The following SLC25A21 variants were observed in gnomAD, a reference collection of about 807,000 sequenced individuals.
The protein encoded by SLC25A21 is mitochondrial 2-oxodicarboxylate carrier.
SLC25A21 carries 47 observed loss-of-function variants against 43.8 expected under a neutral mutation model. That is an observed-to-expected ratio of 1.07 (90% CI 0.85 to 1.37). The LOEUF (loss-of-function observed/expected upper bound fraction) is 1.37, where lower values mean the gene tolerates loss of function less well. SLC25A21 is among the 40% of genes most tolerant of loss of function. SLC25A21 has a pLI of 0.00. For missense variants in SLC25A21, 352 were observed against 350.2 expected, an observed-to-expected ratio of 1.00 and a Z score of -0.04; for synonymous variants, 131 against 121.3, an observed-to-expected ratio of 1.08 and a Z score of -0.52.
chr14:37,040,381 A>G (rs866800694), intron 1 of SLC25A21, among the ~76,000 whole-genome samples: 1 of 56,154 alleles, frequency 1.8e-5, no homozygotes, highest in Admixed American at 1.5e-4. Context: ...GAGAGAAAGA[A>G]AGAAAGAAAG....
At chr14:36,905,971 C>T (rs901973528) in intron 1 of SLC25A21, among the ~76,000 whole-genome samples, 1 of 151,996 alleles carries the variant, frequency 6.6e-6, no homozygotes, top group Admixed American at 6.6e-5. Context: ...GTGAAGTGAC[C>T]GGCGATATGC....
chr14:36,925,684 T>TAAAATACAAAATAC (rs1314247840), intron 1 of SLC25A21, among the ~76,000 whole-genome samples: 3 of 151,980 alleles, frequency 2.0e-5, no homozygotes, highest in Non-Finnish European at 4.4e-5. Flanking sequence ...TCGTACCTAC[T>TAAAATACAAAATAC]AAAAATACAA....
intron 1 of SLC25A21, among the ~76,000 whole-genome samples, chr14:37,008,796 A>G (rs1394858510): frequency 1.3e-5 from 2 of 152,172 alleles, no homozygotes; most frequent in Non-Finnish European, 1.5e-5. Context: ...CAATGATCTT[A>G]TAGTGAAGTT....
chr14:37,008,524 C>G (rs1206749498), intron 1 of SLC25A21, among the ~76,000 whole-genome samples: 1 of 152,142 alleles, frequency 6.6e-6, no homozygotes, highest in Non-Finnish European at 1.5e-5. Context: ...GGTACCTCCT[C>G]TATAATAAAT....
chr14:36,944,691 T>G (rs1047521695), intron 1 of SLC25A21, among the ~76,000 whole-genome samples: 3 of 152,212 alleles, frequency 2.0e-5, no homozygotes, highest in African/African-American at 7.2e-5. Flanking sequence ...AGAATTCATA[T>G]GTGCCTCCTT....
chr14:36,939,256 C>A (rs138337346), intron 1 of SLC25A21, among the ~76,000 whole-genome samples: 1 of 151,170 alleles, frequency 6.6e-6, no homozygotes, highest in Admixed American at 6.6e-5. Flanking sequence ...TAAAAAAAGT[C>A]GGGTTGGGGG....
At chr14:36,816,058 A>G (rs1234291646) in intron 2 of SLC25A21, among the ~76,000 whole-genome samples, 1 of 152,238 alleles carries the variant, frequency 6.6e-6, no homozygotes, top group Non-Finnish European at 1.5e-5. Flanking sequence ...ATCAGACAGA[A>G]GAATGAGTGT....
chr14:36,974,894 T>C (rs1181756759), intron 1 of SLC25A21, among the ~76,000 whole-genome samples: 1 of 152,156 alleles, frequency 6.6e-6, no homozygotes, highest in East Asian at 1.9e-4. Flanking sequence ...ATGGTAACAG[T>C]GCCTGACATT....
intron 3 of SLC25A21, among the ~76,000 whole-genome samples, chr14:36,747,766 C>G (rs1885554277): frequency 6.6e-6 from 1 of 152,070 alleles, no homozygotes; most frequent in Non-Finnish European, 1.5e-5. Flanking sequence ...TGGAGGTGCC[C>G]CCTAGTGGTA....
At chr14:37,118,265 C>A (rs1963142206) in intron 1 of SLC25A21, among the ~76,000 whole-genome samples, 1 of 152,094 alleles carries the variant, frequency 6.6e-6, no homozygotes, top group African/African-American at 2.4e-5. Flanking sequence ...ACTGATGGCT[C>A]CACCCAGATC....
chr14:36,887,497 A>G (rs953350941), intron 1 of SLC25A21, among the ~76,000 whole-genome samples: 11 of 150,530 alleles, frequency 7.3e-5, no homozygotes, highest in Non-Finnish European at 1.2e-4. Flanking sequence ...TGGGAGGCGG[A>G]TGTTGCAGTG....
chr14:36,777,751 CTG>C (rs1210786841), intron 3 of SLC25A21, among the ~76,000 whole-genome samples: 1 of 152,168 alleles, frequency 6.6e-6, no homozygotes, highest in African/African-American at 2.4e-5. Flanking sequence ...GTTCCCAGAA[CTG>C]TGAGAGAATG....
At chr14:36,740,027 TAG>T (rs1885190880) in intron 3 of SLC25A21, among the ~76,000 whole-genome samples, 1 of 152,196 alleles carries the variant, frequency 6.6e-6, no homozygotes, top group Non-Finnish European at 1.5e-5. Context: ...TCTTCTTTGC[TAG>T]GTGTTTCCTA....
At chr14:37,142,180 T>A (rs1427090783) in intron 1 of SLC25A21, among the ~76,000 whole-genome samples, 2 of 152,298 alleles carry the variant, frequency 1.3e-5, no homozygotes, top group Non-Finnish European at 2.9e-5. Context: ...AACAACCTTA[T>A]GGAGAAAGAT....
At chr14:37,161,022 G>A (rs1415581758) in intron 1 of SLC25A21, among the ~76,000 whole-genome samples, 1 of 148,850 alleles carries the variant, frequency 6.7e-6, no homozygotes, top group Non-Finnish European at 1.5e-5. Flanking sequence ...CGGGGGGGAG[G>A]AGAAGAAATA....
chr14:36,776,428 C>T (rs866846593), intron 3 of SLC25A21, among the ~76,000 whole-genome samples: 4 of 151,406 alleles, frequency 2.6e-5, no homozygotes, highest in African/African-American at 9.7e-5. Flanking sequence ...TTAGTAGAAA[C>T]GGGGTTTCAC....
chr14:37,007,788 A>G (rs544560092), intron 1 of SLC25A21, among the ~76,000 whole-genome samples: 17 of 152,228 alleles, frequency 1.1e-4, no homozygotes, highest in Non-Finnish European at 1.6e-4. Context: ...TGATAGGCAT[A>G]TTTCAAAATA....
chr14:36,710,976 T>A (rs1190889252), intron 7 of SLC25A21, among the ~76,000 whole-genome samples: 1 of 152,182 alleles, frequency 6.6e-6, no homozygotes, highest in African/African-American at 2.4e-5. Context: ...AGATAAAAAT[T>A]AAGTAATAAC....
intron 2 of SLC25A21, among the ~76,000 whole-genome samples, chr14:36,857,176 G>A (rs1013508564): frequency 5.9e-5 from 9 of 152,156 alleles, no homozygotes; most frequent in Non-Finnish European, 1.2e-4. Context: ...GGTGTGCCTG[G>A]GTTTGGGTCT....
Sources: gnomAD v4.1 joint callset for allele counts (sites outside exome capture counted in the v4.1 genomes callset) on GRCh38, gnomAD v4.1.1 for gene constraint, MANE v1.5 for transcripts, NCBI Gene and HGNC (gene_info 2026-07-23, HGNC 2026-07-21) for gene names.